Variants in ADORA2B observed in about 807,000 individuals in gnomAD.
ADORA2B encodes adenosine A2b receptor, also known as adenosine receptor A2b.
ADORA2B carries 18 observed loss-of-function variants against 20.8 expected under a neutral mutation model. That is an observed-to-expected ratio of 0.87 (90% CI 0.60 to 1.29). The LOEUF is 1.29. Ranked by LOEUF, ADORA2B falls within the 50% of genes most tolerant of loss-of-function variation. ADORA2B has a pLI of 0.00. For synonymous variants in ADORA2B, 179 were observed against 178.3 expected (o/e 1.00, Z -0.03); for missense variants, 441 against 422.7 (o/e 1.04, Z -0.38).
the ADORA2B span, among the ~76,000 whole-genome samples, chr17:15,863,836 C>T: frequency 6.6e-6 from 1 of 152,186 alleles, no homozygotes; most frequent in African/African-American, 2.4e-5. Context: ...TGTAGCAAAA[C>T]TCTCCCCAGA....
At chr17:15,945,692 G>T in intron 1 of ADORA2B, 109 bp downstream of exon 1, 1 of 1,028,012 alleles carries the variant, frequency 9.7e-7, no homozygotes, top group South Asian at 1.7e-5. Flanking sequence ...GGCCAGGCTG[G>T]GGGCGCGCGG....
At chr17:15,917,882 G>A in the ADORA2B span, among the ~76,000 whole-genome samples, 1 of 152,232 alleles carries the variant, frequency 6.6e-6, no homozygotes, top group Non-Finnish European at 1.5e-5. Context: ...GCCTGTCCAG[G>A]CGAGTGCTCG....
intron 1 of ADORA2B, among the ~76,000 whole-genome samples, chr17:15,955,066 C>T (rs920575006): frequency 6.6e-6 from 1 of 152,038 alleles, no homozygotes; most frequent in African/African-American, 2.4e-5. Flanking sequence ...AGACTTAGGT[C>T]TGTCTTCAGC....
At chr17:15,961,394 A>G (rs1970041030) in intron 1 of ADORA2B, among the ~76,000 whole-genome samples, 2 of 152,158 alleles carry the variant, frequency 1.3e-5, no homozygotes, top group Admixed American at 1.3e-4. Flanking sequence ...TGGTGGCAAT[A>G]CTGTCTACAT....
At chr17:15,930,707 C>T in the ADORA2B span, among the ~76,000 whole-genome samples, 1 of 152,216 alleles carries the variant, frequency 6.6e-6, no homozygotes, top group African/African-American at 2.4e-5. Flanking sequence ...GGGCACTTAG[C>T]TTAGCCCAGG....
chr17:15,862,037 G>A, the ADORA2B span, among the ~76,000 whole-genome samples: 1 of 151,924 alleles, frequency 6.6e-6, no homozygotes, highest in Non-Finnish European at 1.5e-5. Flanking sequence ...ATATTTGAGT[G>A]TAAGTCTTTG....
At chr17:15,860,992 C>T in the ADORA2B span, 4 of 152,318 alleles carry the variant, frequency 2.6e-5, no homozygotes, top group African/African-American at 7.2e-5. Context: ...GAGGGAACCA[C>T]GAAGCAGTTT....
At chr17:15,862,878 C>G in the ADORA2B span, among the ~76,000 whole-genome samples, 1 of 151,032 alleles carries the variant, frequency 6.6e-6, no homozygotes, top group Non-Finnish European at 1.5e-5. Flanking sequence ...TCTCCTGCGT[C>G]AGCCTCCTAA....
At chr17:15,958,606 CTT>C (rs1969999475) in intron 1 of ADORA2B, among the ~76,000 whole-genome samples, 1 of 152,222 alleles carries the variant, frequency 6.6e-6, no homozygotes, top group African/African-American at 2.4e-5. Flanking sequence ...CCCGTCCTCT[CTT>C]TCCTTCGTTT....
intron 1 of ADORA2B, among the ~76,000 whole-genome samples, chr17:15,952,508 T>C (rs1969918190): frequency 1.3e-5 from 2 of 152,166 alleles, no homozygotes; most frequent in Non-Finnish European, 2.9e-5. Flanking sequence ...TTAACCATCA[T>C]GTGAGCAGCT....
At chr17:15,972,046 G>A (rs1461885416) in intron 1 of ADORA2B, among the ~76,000 whole-genome samples, 5 of 152,162 alleles carry the variant, frequency 3.3e-5, no homozygotes, top group Non-Finnish European at 7.3e-5. Context: ...CCAGTTGAGG[G>A]ATACCACAGG....
the ADORA2B span, among the ~76,000 whole-genome samples, chr17:15,916,148 C>G: frequency 6.6e-6 from 1 of 152,180 alleles, no homozygotes; most frequent in Non-Finnish European, 1.5e-5. Context: ...AAGACTCTTG[C>G]AGCCCAGAGC....
chr17:15,941,496 G>C (rs988649491), upstream of ADORA2B, among the ~76,000 whole-genome samples: 2 of 152,140 alleles, frequency 1.3e-5, no homozygotes, highest in Non-Finnish European at 2.9e-5. Context: ...GGGAGGCTGA[G>C]ATGGGAGGAT....
At position 15,945,587 on chromosome 17, in the gene ADORA2B, A is replaced by G; in HGVS notation, c.335+4A>G. ...TGGCCATCTGTGTCCCGCTCAGGTG[A>G]GGCGCTCGGCGTCGCCCGAACTCGG... On this transcript the variant is annotated splice_donor_region_variant and intron_variant, in intron 1 of 1. Transcript: ENST00000304222. 6.7e-7 allele frequency: 1 copy of G among 1,482,994 alleles called. No homozygotes were observed. Among genetic ancestry groups the G allele is most frequent in the Non-Finnish European group, 8.9e-7 (1 of 1,119,832 alleles). 91.9% of individuals were successfully genotyped at this position (1,482,994 alleles called of 1,614,324 possible). A position where few individuals can be genotyped will look rare whatever the true frequency, so the allele number is the denominator to read the frequency against.
At chr17:15,852,679 A>G in the ADORA2B span, among the ~76,000 whole-genome samples, 24 of 152,346 alleles carry the variant, frequency 1.6e-4, no homozygotes, top group Middle Eastern at 3.4e-3. Context: ...ATCTATAAAA[A>G]AGAATCCATT....
At chr17:15,964,797 C>G (rs948979829) in intron 1 of ADORA2B, among the ~76,000 whole-genome samples, 2 of 151,364 alleles carry the variant, frequency 1.3e-5, no homozygotes, top group African/African-American at 2.4e-5. Flanking sequence ...CGCGGTGGCT[C>G]ACGCCTGTAA....
At chr17:15,924,968 G>C in the ADORA2B span, among the ~76,000 whole-genome samples, 1 of 151,688 alleles carries the variant, frequency 6.6e-6, no homozygotes. Flanking sequence ...TTAACTTCCT[G>C]AGCTCAAGCA....
chr17:15,909,183 G>A, the ADORA2B span, among the ~76,000 whole-genome samples: 1 of 133,440 alleles, frequency 7.5e-6, no homozygotes, highest in African/African-American at 3.4e-5. Flanking sequence ...AACAGAGCGA[G>A]ACTACGTCTC....
the ADORA2B span, among the ~76,000 whole-genome samples, chr17:15,887,929 C>T: frequency 0.022 from 1,838 of 83,570 alleles, 313 homozygotes; most frequent in Middle Eastern, 0.054. Context: ...CCAGCCTGGG[C>T]GACAGAGAGC....
Sources: gnomAD v4.1 joint callset for allele counts (sites outside exome capture counted in the v4.1 genomes callset) on GRCh38, gnomAD v4.1.1 for gene constraint, MANE v1.5 for transcripts, NCBI Gene and HGNC (gene_info 2026-07-23, HGNC 2026-07-21) for gene names.